DAZAP2: variants seen among roughly 807,000 people sequenced by gnomAD.
DAZAP2 encodes DAZ-associated protein 2.
DAZAP2 carries 3 observed loss-of-function variants against 16.2 expected under a neutral mutation model. The ratio of observed to expected loss-of-function variants is 0.19; its 90% confidence interval spans 0.08 to 0.48. The LOEUF (loss-of-function observed/expected upper bound fraction) is 0.48. Ranked by LOEUF, DAZAP2 falls within the 20% of genes least tolerant of loss-of-function variation. The pLI is 0.98. For synonymous variants in DAZAP2, 69 were observed against 77.6 expected (o/e 0.89, Z 0.58); for missense variants, 172 against 215.9 (o/e 0.80, Z 1.27).
downstream of DAZAP2, chr12:51,246,591 G>A (rs1163279523): frequency 2.0e-6 from 1 of 510,400 alleles, no homozygotes; most frequent in Non-Finnish European, 3.2e-6. Flanking sequence ...AGAAGCCTCC[G>A]AGTCTTTTAT....
chr12:51,243,493 A>C lies in DAZAP2; in HGVS notation c.*1035A>C. ...ATTGTGAATGTCTCACTACAAAATG[A>C]CTTGAGTCCAGTGAAATCTCATTAG... On this transcript the variant is annotated 3_prime_UTR_variant, in exon 4 of 4. Transcript: ENST00000412716. 2 of 985,828 alleles carry C rather than the reference A, an allele frequency of 2.0e-6. No individual in the cohort carries two copies. The highest frequency in any genetic ancestry group is 2.4e-6 in the Non-Finnish European group (2 of 829,932). The allele number at this position is 985,828 out of a possible 1,614,324, so 61.1% of individuals were successfully genotyped here. A position where few individuals can be genotyped will look rare whatever the true frequency, so the allele number is the denominator to read the frequency against.
chr12:51,245,608 C>A, downstream of DAZAP2: 1 of 249,832 alleles, frequency 4.0e-6, no homozygotes, highest in East Asian at 8.3e-5. Context: ...AGCCAATGAC[C>A]TTAACTCAAA....
downstream of DAZAP2, chr12:51,246,369 A>G: frequency 2.0e-6 from 1 of 507,248 alleles, no homozygotes; most frequent in Non-Finnish European, 3.4e-6. Context: ...TGCCTCCCAA[A>G]CCAGTTCCTG....
chr12:51,246,142 T>C (rs893274257), downstream of DAZAP2: 7 of 1,612,302 alleles, frequency 4.3e-6, no homozygotes, highest in African/African-American at 9.4e-5. Flanking sequence ...AGGGAAAATG[T>C]AGAGATGTTT....
Position 51,240,922 on chromosome 12 carries a change from T to A in DAZAP2, c.184T>A (p.Ser62Thr). 6.2e-7 allele frequency: 1 copy of A among 1,614,242 alleles called. No individual in the cohort carries two copies. The highest frequency in any genetic ancestry group is 8.5e-7 in the Non-Finnish European group (1 of 1,180,040). The change falls in exon 3 of 4, where the codon TCA becomes ACA. Residue 62 changes from serine to threonine, a missense_variant. Ser to Thr is a moderately conservative substitution (Grantham distance 58, BLOSUM62 1). Coordinates refer to ENST00000412716, the MANE Select transcript of DAZAP2 (RefSeq NM_014764.4). ...AGGGGCTGCCACAGTCCCCACCATG[T>A]CAGCCGCATTTCCTGGAGCCTCTCT... The part of the protein sequence containing the change: ...HPGAATVPTM[S>T]AAFPGASLYL...
At chr12:51,245,881 A>G, downstream of DAZAP2, 1 of 1,543,650 alleles carries the variant, frequency 6.5e-7, no homozygotes, top group African/African-American at 1.4e-5. Context: ...CTTTCCCATA[A>G]TAAGCAGTCA....
chr12:51,244,766 G>A (rs1007793797), downstream of DAZAP2: 1 of 151,026 alleles, frequency 6.6e-6, no homozygotes, highest in African/African-American at 2.4e-5. Flanking sequence ...GGGATTCTGG[G>A]AAATTCTGGC....
chr12:51,246,086 G>T, downstream of DAZAP2: 1 of 1,613,940 alleles, frequency 6.2e-7, no homozygotes, highest in Non-Finnish European at 8.5e-7. Context: ...GATCACGACC[G>T]AGAGCAGGGT....
rs1466810516 is a variant in DAZAP2 at position 51,241,119 on chromosome 12, G to A, written c.378+3G>A. On this transcript the variant is annotated splice_donor_region_variant and intron_variant, in intron 3 of 3. Coordinates refer to ENST00000412716, the MANE Select transcript of DAZAP2 (RefSeq NM_014764.4). ...GGGCTACTGCTGGCAACATTCCTGTGAGTATGACCTCATCAGAAGAAACTC... is the reference window on the plus strand; with the variant it reads ...GGGCTACTGCTGGCAACATTCCTGTAAGTATGACCTCATCAGAAGAAACTC... 3 of 1,613,596 alleles carry A rather than the reference G, an allele frequency of 1.9e-6. No individual in the cohort carries two copies. The highest frequency in any genetic ancestry group is 4.5e-5 in the East Asian group (2 of 44,892).
Position 51,238,887 on chromosome 12 carries a change from C to A in DAZAP2, c.-21C>A, listed in dbSNP as rs1944601629. The stretch of plus-strand genomic sequence containing the variant: ...AAAATAACCGTCCGCGACGCCGAGA[C>A]AAACCGGACCCGCAACCACCATGAA... On this transcript the variant is annotated 5_prime_UTR_variant, in exon 1 of 4. Coordinates refer to ENST00000412716, the MANE Select transcript of DAZAP2 (RefSeq NM_014764.4). The A allele has an allele frequency of 6.2e-7, 1 of 1,613,288 alleles. No individual in the cohort carries two copies. The highest frequency in any genetic ancestry group is 1.3e-5 in the African/African-American group (1 of 74,912).
chr12:51,239,222 C>G, intron 1 of DAZAP2: 1 of 406,746 alleles, frequency 2.5e-6, no homozygotes, highest in Middle Eastern at 6.8e-4. Flanking sequence ...CGCAGGCATT[C>G]GCGTAGGCCA....
Position 51,239,111 on chromosome 12 carries a change from C to T in DAZAP2, c.13+191C>T. 4 of 786,816 alleles carry T rather than the reference C, an allele frequency of 5.1e-6. 1 individual carries two copies. The South Asian group carries it at 7.4e-5, about 15-fold the overall frequency. The allele number at this position is 786,816 out of a possible 1,614,324, so 48.7% of individuals were successfully genotyped here. On this transcript the variant is annotated intron_variant, in intron 1 of 3. Coordinates refer to ENST00000412716, the MANE Select transcript of DAZAP2 (RefSeq NM_014764.4). ...ATTACGGCAGCTTGCTGCCTCCAGG[C>T]CCTTTCCTCCGTAAACTCTGTGGCG...
chr12:51,243,812 C>G lies in DAZAP2; in HGVS notation c.*1354C>G, dbSNP rs1944725652. The G allele has an allele frequency of 1.0e-6, 1 of 984,998 alleles. No homozygotes were observed. Among genetic ancestry groups the G allele is most frequent in the Non-Finnish European group, 1.2e-6 (1 of 829,426 alleles). The allele number at this position is 984,998 out of a possible 1,614,324, so 61.0% of individuals were successfully genotyped here. ...CTCACTGCAAGGATTCTTTACTTAG[C>G]TTGTTTTTAGATTTCTTCTATATAT... On this transcript the variant is annotated 3_prime_UTR_variant, in exon 4 of 4. Transcript: ENST00000412716.
Position 51,243,799 on chromosome 12 carries a change from A to AT in DAZAP2, c.*1343dup. On this transcript the variant is annotated 3_prime_UTR_variant, in exon 4 of 4. Coordinates refer to ENST00000412716, the MANE Select transcript of DAZAP2 (RefSeq NM_014764.4). Reference sequence around the variant, plus strand: ...AGTTGCATTACACCTCACTGCAAGGATTCTTTACTTAGCTTGTTTTTAGAT... The same window carrying AT: ...AGTTGCATTACACCTCACTGCAAGGATTTCTTTACTTAGCTTGTTTTTAGAT... 1 of 985,480 alleles carries AT rather than the reference A, an allele frequency of 1.0e-6. No individual in the cohort carries two copies. Among genetic ancestry groups the AT allele is most frequent in the Non-Finnish European group, 1.2e-6 (1 of 829,660 alleles). 61.0% of individuals were successfully genotyped at this position (985,480 alleles called of 1,614,324 possible).
At chr12:51,246,054 T>C (rs917810070), downstream of DAZAP2, 6 of 1,613,866 alleles carry the variant, frequency 3.7e-6, no homozygotes, top group South Asian at 1.1e-5. Context: ...CCTTTGTTCT[T>C]GTACAGGTAA....
intron 2 of DAZAP2, 181 bp from the exon 3 acceptor site, chr12:51,240,690 C>A: frequency 3.2e-6 from 3 of 925,984 alleles, no homozygotes; most frequent in Non-Finnish European, 4.8e-6. Context: ...GTTCTGTGAG[C>A]CCAACATTAG....
At chr12:51,240,276 G>A (rs1461679171) in intron 1 of DAZAP2, 67 bp from the exon 2 acceptor site, 3 of 1,299,344 alleles carry the variant, frequency 2.3e-6, no homozygotes, top group Non-Finnish European at 3.3e-6. Flanking sequence ...TTAGCTACCC[G>A]ATATGACCTG....
In DAZAP2 at chr12:51,243,925, C is replaced by G; in HGVS notation, c.*1467C>G. ...ACGCTTTGAAATAAAGGCAGGAGTA[C>G]AAGCCTAAGACTTGATCATTTCATG... is the stretch of plus-strand genomic sequence containing the variant. On this transcript the variant is annotated 3_prime_UTR_variant, in exon 4 of 4. Coordinates refer to ENST00000412716, the MANE Select transcript of DAZAP2 (RefSeq NM_014764.4). 2 of 984,842 alleles carry G rather than the reference C, an allele frequency of 2.0e-6. No individual in the cohort carries two copies. Among genetic ancestry groups the G allele is most frequent in the Non-Finnish European group, 2.4e-6 (2 of 829,450 alleles). 61.0% of individuals were successfully genotyped at this position (984,842 alleles called of 1,614,324 possible). A position where few individuals can be genotyped will look rare whatever the true frequency, so the allele number is the denominator to read the frequency against.
At chr12:51,240,117 GGAGCAGT>G (rs1944645437) in intron 1 of DAZAP2, 2 of 548,234 alleles carry the variant, frequency 3.6e-6, no homozygotes, top group Non-Finnish European at 3.3e-6. Flanking sequence ...TATGTTAGTA[GGAGCAGT>G]GAGCAGTGCC....
Sources: allele counts gnomAD v4.1 joint callset, GRCh38; gene constraint gnomAD v4.1.1; transcripts MANE v1.5; gene names NCBI Gene and HGNC (gene_info 2026-07-23, HGNC 2026-07-21).